Variants in PTPRM observed in about 807,000 individuals in gnomAD.
PTPRM encodes the protein protein tyrosine phosphatase receptor type M, also known as receptor-type tyrosine-protein phosphatase mu.
Under a neutral mutation model 186.7 loss-of-function variants are expected in PTPRM, and 47 were observed. The observed-to-expected ratio is 0.25, with a 90% CI of 0.20 to 0.32. PTPRM has a LOEUF of 0.32. Ranked by LOEUF, PTPRM falls within the 10% of genes least tolerant of loss-of-function variation. The pLI, the probability that PTPRM is intolerant of heterozygous loss-of-function variation, is 1.00. For synonymous variants in PTPRM, 668 were observed against 674.9 expected, an observed-to-expected ratio of 0.99 and a Z score of 0.16; for missense variants, 1,494 against 1,865.0, an observed-to-expected ratio of 0.80 and a Z score of 3.66.
intron 2 of PTPRM, among the ~76,000 whole-genome samples, chr18:7,807,739 G>C (rs905024822): frequency 6.6e-6 from 1 of 152,198 alleles, no homozygotes; most frequent in Non-Finnish European, 1.5e-5. Context: ...GGATCATGAC[G>C]TGATGTGTGC....
intron 14 of PTPRM, among the ~76,000 whole-genome samples, chr18:8,201,655 T>C (rs901844339): frequency 1.3e-5 from 2 of 152,206 alleles, no homozygotes; most frequent in African/African-American, 4.8e-5. Context: ...CCCTGGTGTG[T>C]GGATGACCAC....
intron 23 of PTPRM, among the ~76,000 whole-genome samples, chr18:8,353,725 G>T (rs1449242370): frequency 6.6e-6 from 1 of 151,700 alleles, no homozygotes; most frequent in Non-Finnish European, 1.5e-5. Context: ...TTAAGAAGCT[G>T]AATGAGCAAT....
At chr18:7,590,496 A>G (rs1464509774) in intron 1 of PTPRM, among the ~76,000 whole-genome samples, 1 of 152,224 alleles carries the variant, frequency 6.6e-6, no homozygotes, top group African/African-American at 2.4e-5. Flanking sequence ...CTGAGGAAAT[A>G]AGAGTGGATA....
intron 13 of PTPRM, among the ~76,000 whole-genome samples, chr18:8,131,463 A>G (rs922041675): frequency 6.6e-6 from 1 of 152,232 alleles, no homozygotes; most frequent in Non-Finnish European, 1.5e-5. Context: ...TCAAGCAGTA[A>G]TAGCCCAAAA....
intron 24 of PTPRM, among the ~76,000 whole-genome samples, chr18:8,372,103 C>T (rs1400097989): frequency 2.1e-5 from 2 of 96,260 alleles, no homozygotes; most frequent in African/African-American, 3.5e-5. Flanking sequence ...CTCGCTCTGT[C>T]GCCCAGGCCG....
intron 5 of PTPRM, among the ~76,000 whole-genome samples, chr18:7,945,297 CAA>C (rs149613547): frequency 0.19 from 25,134 of 135,740 alleles, 2,319 homozygotes; most frequent in African/African-American, 0.22. Context: ...ACTAAAAATA[CAA>C]AAAAAAAAAA....
chr18:7,769,430 C>G (rs1356389309), intron 1 of PTPRM, among the ~76,000 whole-genome samples: 1 of 152,060 alleles, frequency 6.6e-6, no homozygotes, highest in Admixed American at 6.6e-5. Context: ...ATGTTAGTCT[C>G]TATTATCAGA....
At chr18:8,031,674 C>T (rs2085985090) in intron 7 of PTPRM, among the ~76,000 whole-genome samples, 1 of 152,174 alleles carries the variant, frequency 6.6e-6, no homozygotes, top group African/African-American at 2.4e-5. Flanking sequence ...GAGGTAGCCA[C>T]ACCACCCCAC....
intron 1 of PTPRM, among the ~76,000 whole-genome samples, chr18:7,590,625 A>G (rs1285216565): frequency 1.3e-5 from 2 of 152,338 alleles, no homozygotes; most frequent in African/African-American, 4.8e-5. Flanking sequence ...TATTCATGTA[A>G]TAGAATGCCA....
At chr18:8,388,491 G>C (rs1486909627) in intron 31 of PTPRM, among the ~76,000 whole-genome samples, 1 of 152,172 alleles carries the variant, frequency 6.6e-6, no homozygotes, top group Non-Finnish European at 1.5e-5. Context: ...ATCAAAACAC[G>C]ATAGTGTCTC....
chr18:7,916,918 T>C lies in PTPRM; in HGVS notation c.548-9650T>C, dbSNP rs144747139. ...TAATACTTATATCTAACTGTAATTT[T>C]GTTTTCATTAGCCAACATGTTGTCC... On this transcript the variant is annotated intron_variant, in intron 4 of 32. Transcript: ENST00000580170. Among the ~76,000 whole-genome samples, 1,441 of 152,330 alleles carry C rather than the reference T, an allele frequency of 9.5e-3. 24 individuals carry two copies. The highest frequency in any genetic ancestry group is 0.032 in the African/African-American group (1,351 of 41,574).
intron 20 of PTPRM, 32 bp downstream of exon 20, chr18:8,296,487 A>G (rs967374662): frequency 6.6e-7 from 1 of 1,509,748 alleles, no homozygotes; most frequent in Non-Finnish European, 9.2e-7. Flanking sequence ...GTGCTGTTGT[A>G]GAACTTCCTT....
At chr18:7,701,074 G>A (rs1383055369) in intron 1 of PTPRM, among the ~76,000 whole-genome samples, 2 of 151,822 alleles carry the variant, frequency 1.3e-5, no homozygotes, top group Non-Finnish European at 2.9e-5. Context: ...GGGAGGCCTA[G>A]GCGGGCGGAT....
chr18:8,195,362 C>T (rs2093763431), intron 14 of PTPRM, among the ~76,000 whole-genome samples: 1 of 151,870 alleles, frequency 6.6e-6, no homozygotes, highest in Non-Finnish European at 1.5e-5. Flanking sequence ...TGTGGATTGA[C>T]TCAGCCAGCA....
intron 1 of PTPRM, among the ~76,000 whole-genome samples, chr18:7,719,543 C>CA (rs753362009): frequency 5.3e-4 from 80 of 150,798 alleles, no homozygotes; most frequent in South Asian, 1.0e-3. Flanking sequence ...ATTTAGAATA[C>CA]AAAAAAAATA....
chr18:8,326,284 G>A (rs1019368585), intron 22 of PTPRM, among the ~76,000 whole-genome samples: 4 of 152,094 alleles, frequency 2.6e-5, no homozygotes, highest in African/African-American at 9.7e-5. Context: ...AGAAATCAGG[G>A]ATGATACAAA....
intron 2 of PTPRM, among the ~76,000 whole-genome samples, chr18:7,837,622 T>C (rs769848326): frequency 2.6e-5 from 4 of 152,036 alleles, no homozygotes; most frequent in Non-Finnish European, 5.9e-5. Context: ...ACCTGGCTAA[T>C]TTTTGTATTT....
At chr18:8,105,841 C>T (rs540593249) in intron 11 of PTPRM, among the ~76,000 whole-genome samples, 2 of 152,326 alleles carry the variant, frequency 1.3e-5, no homozygotes, top group East Asian at 3.9e-4. Context: ...TTTGATATAA[C>T]TTTAAGGATT....
chr18:7,657,938 G>A (rs775047628), intron 1 of PTPRM, among the ~76,000 whole-genome samples: 14 of 152,060 alleles, frequency 9.2e-5, no homozygotes, highest in Admixed American at 9.2e-4. Context: ...TAAAAATTGT[G>A]TATATTTAAG....
Sources: allele counts gnomAD v4.1 joint callset (sites outside exome capture counted in the v4.1 genomes callset), GRCh38; gene constraint gnomAD v4.1.1; transcripts MANE v1.5; gene names NCBI Gene and HGNC (gene_info 2026-07-23, HGNC 2026-07-21).